EEPD1: variants seen among roughly 807,000 people sequenced by gnomAD.
EEPD1 encodes endonuclease/exonuclease/phosphatase family domain-containing protein 1.
In EEPD1, 17 loss-of-function variants were observed where a neutral mutation model predicts 46.3. The observed-to-expected ratio is 0.37, with a 90% CI of 0.25 to 0.55. EEPD1 has a LOEUF of 0.55. EEPD1 is among the 20% of genes least tolerant of loss of function. EEPD1 has a pLI of 0.83. For missense variants in EEPD1, 673 were observed against 745.6 expected (o/e 0.90, Z 1.13); for synonymous variants, 313 against 315.6 (o/e 0.99, Z 0.09).
intron 2 of EEPD1, chr7:36,230,878 C>T (rs867882975): frequency 4.6e-5 from 7 of 152,298 alleles, no homozygotes; most frequent in Middle Eastern, 6.8e-3. Context: ...CATCATATAG[C>T]ATTCATTGTC....
chr7:36,276,587 G>T (rs74591084), intron 3 of EEPD1, among the ~76,000 whole-genome samples: 32 of 152,158 alleles, frequency 2.1e-4, no homozygotes, highest in Admixed American at 2.1e-3. Flanking sequence ...GGTCCCGGGA[G>T]AGCCAAAATA....
chr7:36,260,497 T>C (rs922727086), intron 3 of EEPD1, among the ~76,000 whole-genome samples: 2 of 152,230 alleles, frequency 1.3e-5, no homozygotes, highest in Non-Finnish European at 2.9e-5. Context: ...GTGTGGTATT[T>C]CACTTATGGG....
intron 2 of EEPD1, among the ~76,000 whole-genome samples, chr7:36,175,140 T>C (rs1785154267): frequency 1.3e-5 from 2 of 152,182 alleles, no homozygotes; most frequent in South Asian, 4.1e-4. Context: ...GGTTACAGTC[T>C]ATTGACACCT....
chr7:36,286,956 C>T (rs1787350031), intron 5 of EEPD1, among the ~76,000 whole-genome samples: 1 of 152,138 alleles, frequency 6.6e-6, no homozygotes, highest in African/African-American at 2.4e-5. Flanking sequence ...GGGTACGTAG[C>T]TCATGCCTAT....
At chr7:36,256,395 T>C (rs1258997318) in intron 3 of EEPD1, among the ~76,000 whole-genome samples, 1 of 152,226 alleles carries the variant, frequency 6.6e-6, no homozygotes, top group Non-Finnish European at 1.5e-5. Flanking sequence ...TCTGTCTTGT[T>C]GATCTGTCTA....
intron 3 of EEPD1, among the ~76,000 whole-genome samples, chr7:36,267,534 G>A (rs563504783): frequency 7.2e-5 from 11 of 152,178 alleles, no homozygotes; most frequent in African/African-American, 2.6e-4. Flanking sequence ...CTGAGCTCAA[G>A]CATCACCTCT....
chr7:36,219,775 AAG>A (rs752270283), intron 2 of EEPD1, among the ~76,000 whole-genome samples: 3,102 of 118,702 alleles, frequency 0.026, 36 homozygotes, highest in Non-Finnish European at 0.028. Context: ...GAGAGAGAGA[AAG>A]AGAGAGAGAG....
In EEPD1 at chr7:36,214,611, G is replaced by A. The variant is rs528645212; in HGVS notation, c.879-24374G>A. Among the ~76,000 whole-genome samples the A allele has an allele frequency of 5.9e-5, 9 of 152,332 alleles. No homozygotes were observed. The South Asian group carries it at 1.9e-3, about 32-fold the overall frequency. ...ATGCAAATTCTCAGGCCCTACCTCA[G>A]AGAGACTTAAGTAGGAAAGTCTGGG... On this transcript the variant is annotated intron_variant, in intron 2 of 7. Transcript: ENST00000242108.
At chr7:36,175,679 C>G (rs1241823080) in intron 2 of EEPD1, among the ~76,000 whole-genome samples, 1 of 152,166 alleles carries the variant, frequency 6.6e-6, no homozygotes, top group Non-Finnish European at 1.5e-5. Context: ...AGAACCCCAC[C>G]TCCCTTCCTG....
chr7:36,291,031 G>C (rs567307694), intron 6 of EEPD1, among the ~76,000 whole-genome samples: 1 of 152,180 alleles, frequency 6.6e-6, no homozygotes, highest in African/African-American at 2.4e-5. Flanking sequence ...AAAGGGAACC[G>C]TTGTCACTCC....
intron 3 of EEPD1, among the ~76,000 whole-genome samples, chr7:36,278,180 A>G (rs1787210104): frequency 6.6e-6 from 1 of 152,122 alleles, no homozygotes; most frequent in Non-Finnish European, 1.5e-5. Flanking sequence ...GACCAGCTCA[A>G]AAGACCACCA....
intron 3 of EEPD1, among the ~76,000 whole-genome samples, chr7:36,270,672 T>C (rs1328125148): frequency 6.6e-6 from 1 of 152,224 alleles, no homozygotes; most frequent in Non-Finnish European, 1.5e-5. Context: ...TTCCATGGTG[T>C]ATATGTGCCA....
chr7:36,190,278 A>G (rs1354260421), intron 2 of EEPD1, among the ~76,000 whole-genome samples: 4 of 152,142 alleles, frequency 2.6e-5, no homozygotes, highest in African/African-American at 4.8e-5. Flanking sequence ...AGGCTGAGAC[A>G]GGAGAATCAC....
At chr7:36,209,780 C>T (rs1368706346) in intron 2 of EEPD1, among the ~76,000 whole-genome samples, 2 of 152,134 alleles carry the variant, frequency 1.3e-5, no homozygotes, top group Non-Finnish European at 2.9e-5. Flanking sequence ...AGAGATCCAC[C>T]TGCATGACCC....
intron 3 of EEPD1, among the ~76,000 whole-genome samples, chr7:36,271,795 CCTCCTATTCTATT>C (rs1709048532): frequency 1.3e-5 from 2 of 149,472 alleles, no homozygotes; most frequent in Middle Eastern, 3.4e-3. Flanking sequence ...GGAACATAAG[CCTCCTATTCTATT>C]CTATTCTATT....
chr7:36,162,439 T>C (rs1391546150), intron 2 of EEPD1, among the ~76,000 whole-genome samples: 7 of 152,068 alleles, frequency 4.6e-5, no homozygotes, highest in Non-Finnish European at 8.8e-5. Context: ...AGCCCAGGAG[T>C]TCGAGACTAG....
chr7:36,159,223 TACC>T (rs1431406760), intron 2 of EEPD1, among the ~76,000 whole-genome samples: 20 of 152,234 alleles, frequency 1.3e-4, no homozygotes, highest in African/African-American at 4.8e-4. Flanking sequence ...CCCTGTTACT[TACC>T]AAACTTAAGT....
chr7:36,203,457 C>G (rs1333032269), intron 2 of EEPD1, among the ~76,000 whole-genome samples: 1 of 152,234 alleles, frequency 6.6e-6, no homozygotes, highest in Non-Finnish European at 1.5e-5. Flanking sequence ...TTTATCCTTT[C>G]TTCCTCAGGA....
At chr7:36,164,919 T>A (rs1784958222) in intron 2 of EEPD1, among the ~76,000 whole-genome samples, 1 of 152,174 alleles carries the variant, frequency 6.6e-6, no homozygotes, top group Non-Finnish European at 1.5e-5. Flanking sequence ...AGAAAGAAAA[T>A]GTTTTTATAC....
Sources: allele counts gnomAD v4.1 joint callset (sites outside exome capture counted in the v4.1 genomes callset), GRCh38; gene constraint gnomAD v4.1.1; transcripts MANE v1.5; gene names NCBI Gene and HGNC (gene_info 2026-07-23, HGNC 2026-07-21).